Variants in DNAH6 observed in about 807,000 individuals in gnomAD.
The protein encoded by DNAH6 is dynein axonemal heavy chain 6.
DNAH6 carries 340 observed loss-of-function variants against 491.4 expected under a neutral mutation model. The observed-to-expected ratio is 0.69, with a 90% CI of 0.63 to 0.76. The LOEUF (loss-of-function observed/expected upper bound fraction) is 0.76. Among genes scored for constraint, DNAH6 ranks in the 30% least tolerant of loss-of-function variants. The probability of loss-of-function intolerance (pLI) is 0.00; values close to 1 mark genes in which losing one functional copy is unlikely to be tolerated. For synonymous variants in DNAH6, 1,603 were observed against 1,686.1 expected (o/e 0.95, Z 1.21); for missense variants, 4,443 against 4,972.2 (o/e 0.89, Z 3.20).
chr2:84,617,437 AAATT>A (rs1347804134), intron 23 of DNAH6, among the ~76,000 whole-genome samples: 10 of 152,068 alleles, frequency 6.6e-5, no homozygotes, highest in African/African-American at 1.9e-4. Context: ...TTATTAAATT[AAATT>A]ATTATTGACT....
intron 64 of DNAH6, among the ~76,000 whole-genome samples, chr2:84,780,459 T>C (rs115662465): frequency 0.027 from 4,095 of 152,298 alleles, 78 homozygotes; most frequent in South Asian, 0.06. Flanking sequence ...TTGAAACTCC[T>C]GTGGTGAATT....
chr2:84,810,720 T>C (rs907022878), intron 72 of DNAH6, among the ~76,000 whole-genome samples: 3 of 152,122 alleles, frequency 2.0e-5, no homozygotes, highest in African/African-American at 7.2e-5. Context: ...GCCATCCTGG[T>C]GAACCCACTC....
At chr2:84,582,216 C>G (rs1257308763) in intron 14 of DNAH6, among the ~76,000 whole-genome samples, 1 of 152,118 alleles carries the variant, frequency 6.6e-6, no homozygotes, top group Non-Finnish European at 1.5e-5. Flanking sequence ...TTTCAGAATC[C>G]TAAAGTATGG....
intron 64 of DNAH6, among the ~76,000 whole-genome samples, chr2:84,774,257 A>G (rs1465910166): frequency 6.6e-6 from 1 of 152,028 alleles, no homozygotes; most frequent in Non-Finnish European, 1.5e-5. Flanking sequence ...GAAACATAAG[A>G]GTCCAGTTTC....
the DNAH6 span, among the ~76,000 whole-genome samples, chr2:84,471,548 C>T: frequency 6.6e-6 from 1 of 152,034 alleles, no homozygotes; most frequent in Non-Finnish European, 1.5e-5. Context: ...AGTCAGAAAG[C>T]ATTGGTCCAT....
At position 84,784,679 on chromosome 2, in the gene DNAH6, T is replaced by C. The variant is rs989578519; in HGVS notation, c.10865-43T>C. On this transcript the variant is annotated intron_variant, in intron 65 of 76. Transcript: ENST00000389394. ...CTTATAGAAAAGTGCTACTACCAAC[T>C]AAACATTTTCCTTTTTTGTTGTTTT... 13 of 1,313,638 alleles carry C rather than the reference T, an allele frequency of 9.9e-6. No individual in the cohort carries two copies. The African/African-American group carries it at 1.6e-4, about 16-fold the overall frequency. 81.4% of individuals were successfully genotyped at this position (1,313,638 alleles called of 1,614,324 possible).
At chr2:84,638,479 T>C (rs1244153639) in intron 31 of DNAH6, among the ~76,000 whole-genome samples, 2 of 151,914 alleles carry the variant, frequency 1.3e-5, no homozygotes, top group Non-Finnish European at 2.9e-5. Context: ...ACCCCTTGTG[T>C]GCTCCATGCT....
At position 84,749,108 on chromosome 2, in the gene DNAH6, C is replaced by T. The variant is rs908377420; in HGVS notation, c.10512+3859C>T. 3.3e-5 allele frequency among the ~76,000 whole-genome samples: 5 copies of T among 152,134 alleles called. No homozygotes were observed. The South Asian group carries it at 8.3e-4, about 25-fold the overall frequency. ...GGATCCACCTCCATGACCCAAACAC[C>T]GCCCACTAGGCCCCACCTCCAGTAT... On this transcript the variant is annotated intron_variant, in intron 63 of 76. Transcript: ENST00000389394.
chr2:84,659,833 G>A (rs1000385413), intron 37 of DNAH6, among the ~76,000 whole-genome samples: 3 of 151,994 alleles, frequency 2.0e-5, no homozygotes, highest in African/African-American at 7.2e-5. Context: ...AATTTTTTTA[G>A]TATCCAAGCT....
chr2:84,670,480 G>T lies in DNAH6; in HGVS notation c.6454+5G>T. The T allele has an allele frequency of 6.7e-7, 1 of 1,502,450 alleles. No individual in the cohort carries two copies. Among genetic ancestry groups the T allele is most frequent in the South Asian group, 1.3e-5 (1 of 78,076 alleles). 93.1% of individuals were successfully genotyped at this position (1,502,450 alleles called of 1,614,324 possible). A position where few individuals can be genotyped will look rare whatever the true frequency, so the allele number is the denominator to read the frequency against. On this transcript the variant is annotated splice_donor_5th_base_variant and intron_variant, in intron 39 of 76. Transcript: ENST00000389394. ...GAAAAAGAAAAAATATTCTAGGTAA[G>T]AATCATTATTTTAGTTTGTCCCACA...
the DNAH6 span, among the ~76,000 whole-genome samples, chr2:84,511,061 G>T: frequency 2.0e-5 from 3 of 152,262 alleles, no homozygotes; most frequent in South Asian, 2.1e-4. Flanking sequence ...TTGTCAGATC[G>T]CCAGCTGTGT....
intron 63 of DNAH6, among the ~76,000 whole-genome samples, chr2:84,756,521 A>G (rs1353513575): frequency 6.6e-6 from 1 of 152,220 alleles, no homozygotes; most frequent in East Asian, 1.9e-4. Flanking sequence ...GGGTTCTATC[A>G]TAATGCACAA....
intron 68 of DNAH6, among the ~76,000 whole-genome samples, chr2:84,788,007 G>A (rs1376471392): frequency 1.3e-5 from 2 of 152,084 alleles, no homozygotes; most frequent in Non-Finnish European, 2.9e-5. Flanking sequence ...TAAGGGAAAT[G>A]GAGAACAGCA....
chr2:84,773,355 G>C (rs919658108), intron 64 of DNAH6, among the ~76,000 whole-genome samples: 4 of 152,024 alleles, frequency 2.6e-5, no homozygotes, highest in African/African-American at 9.7e-5. Flanking sequence ...TTATAATAAT[G>C]ACCTCCAGCT....
chr2:84,750,190 GT>G lies in DNAH6; in HGVS notation c.10512+4959del, dbSNP rs199818701. Among the ~76,000 whole-genome samples the G allele has an allele frequency of 5.6e-3, 738 of 131,470 alleles. 2 individuals carry two copies. Among genetic ancestry groups the G allele is most frequent in the South Asian group, 0.017 (69 of 4,108 alleles). 86.2% of individuals were successfully genotyped at this position (131,470 alleles called of 152,430 possible). On this transcript the variant is annotated intron_variant, in intron 63 of 76. Transcript: ENST00000389394. ...ATGGTTTTTTTGTTTGTTTGGTTTG[GT>G]TTTTTTTTTTTTTTTTTGGAGATGG...
At chr2:84,818,572 A>T (rs1387584079) in intron 76 of DNAH6, among the ~76,000 whole-genome samples, 4 of 151,602 alleles carry the variant, frequency 2.6e-5, no homozygotes, top group African/African-American at 9.7e-5. Flanking sequence ...CACCCCTTAC[A>T]GGAAGAGAGG....
rs1694170802 is a variant in DNAH6 at position 84,685,386 on chromosome 2, G to T, written c.6977G>T (p.Cys2326Phe). The T allele has an allele frequency of 2.6e-6, 4 of 1,527,090 alleles. No individual in the cohort carries two copies. The highest frequency in any genetic ancestry group is 2.5e-5 in the East Asian group (1 of 40,692). The allele number at this position is 1,527,090 out of a possible 1,614,324, so 94.6% of individuals were successfully genotyped here. A position where few individuals can be genotyped will look rare whatever the true frequency, so the allele number is the denominator to read the frequency against. Residue 2326 changes from cysteine to phenylalanine, a missense_variant, in exon 43 of 77, where the codon TGC becomes TTC. Cys to Phe is a radical substitution (Grantham distance 205). Transcript: ENST00000389394. ...REEIQIFRLF[C>F]HECQRVFHDR... ...GAAATTCAGATATTTAGACTCTTTTGCCATGAGTGCCAAAGGGTCTTCCAT... is the reference window on the plus strand; with the variant it reads ...GAAATTCAGATATTTAGACTCTTTTTCCATGAGTGCCAAAGGGTCTTCCAT...
the DNAH6 span, among the ~76,000 whole-genome samples, chr2:84,498,971 G>C: frequency 1.7e-3 from 266 of 152,182 alleles, no homozygotes; most frequent in African/African-American, 6.0e-3. Flanking sequence ...GAGATGTTTT[G>C]ACACAGGGAT....
chr2:84,486,111 C>G, the DNAH6 span, among the ~76,000 whole-genome samples: 3 of 152,098 alleles, frequency 2.0e-5, no homozygotes, highest in South Asian at 2.1e-4. Flanking sequence ...AATATTTTAT[C>G]TTAGCTGGTA....
Sources: allele counts gnomAD v4.1 joint callset (sites outside exome capture counted in the v4.1 genomes callset), GRCh38; gene constraint gnomAD v4.1.1; transcripts MANE v1.5; gene names NCBI Gene and HGNC (gene_info 2026-07-23, HGNC 2026-07-21).